AP4S1: variants seen among roughly 807,000 people sequenced by gnomAD.
AP4S1 encodes the protein AP-4 complex subunit sigma-1.
Under a neutral mutation model 19.8 loss-of-function variants are expected in AP4S1, and 23 were observed. The ratio of observed to expected loss-of-function variants is 1.16; its 90% CI spans 0.84 to 1.65. AP4S1 has a LOEUF of 1.65. AP4S1 is among the 40% of genes most tolerant of loss of function. The pLI is 0.00. For missense variants in AP4S1, 166 were observed against 172.8 expected (o/e 0.96, Z 0.22); for synonymous variants, 46 against 54.1 (o/e 0.85, Z 0.66).
At chr14:31,038,941 A>G (rs910682003) in intron 1 of AP4S1, among the ~76,000 whole-genome samples, 1 of 152,054 alleles carries the variant, frequency 6.6e-6, no homozygotes, top group East Asian at 1.9e-4. Flanking sequence ...ACCACCATCA[A>G]ACATTGGGAG....
intron 1 of AP4S1, among the ~76,000 whole-genome samples, chr14:31,050,386 G>GT (rs1885722436): frequency 6.6e-6 from 1 of 152,018 alleles, no homozygotes; most frequent in Non-Finnish European, 1.5e-5. Context: ...TACTTGGAGT[G>GT]TTCTTCAGTG....
intron 1 of AP4S1, among the ~76,000 whole-genome samples, chr14:31,044,241 T>A (rs1566516864): frequency 6.6e-6 from 1 of 152,212 alleles, no homozygotes; most frequent in South Asian, 2.1e-4. Context: ...ACCCTTCCTT[T>A]TCTACTTATT....
chr14:31,053,474 G>A (rs1450483266), intron 1 of AP4S1, among the ~76,000 whole-genome samples: 1 of 152,076 alleles, frequency 6.6e-6, no homozygotes, highest in African/African-American at 2.4e-5. Flanking sequence ...AGAAGGAATG[G>A]GGGCCAAGGC....
chr14:31,068,556 T>C (rs1269350177), intron 2 of AP4S1, among the ~76,000 whole-genome samples: 4 of 152,244 alleles, frequency 2.6e-5, no homozygotes, highest in Admixed American at 2.6e-4. Context: ...CCACATACTT[T>C]AAGTAAAAGT....
At chr14:31,026,212 A>C in intron 1 of AP4S1, 1 of 1,387,718 alleles carries the variant, frequency 7.2e-7, no homozygotes, top group South Asian at 1.6e-5. Flanking sequence ...GCCGGGGCGC[A>C]GGGCGAGACG....
intron 1 of AP4S1, among the ~76,000 whole-genome samples, chr14:31,030,685 C>T (rs146617532): frequency 1.2e-4 from 19 of 152,130 alleles, no homozygotes; most frequent in African/African-American, 4.3e-4. Context: ...TGATTGGCTA[C>T]GATTTTTCAG....
chr14:31,085,580 C>T, intron 5 of AP4S1: 1 of 933,082 alleles, frequency 1.1e-6, no homozygotes. Flanking sequence ...TTGAGACCAG[C>T]CTGGGCAACA....
intron 1 of AP4S1, among the ~76,000 whole-genome samples, chr14:31,035,893 G>A (rs1884732469): frequency 6.6e-6 from 1 of 151,808 alleles, no homozygotes; most frequent in Admixed American, 6.6e-5. Context: ...ACAAGGCCCG[G>A]CTAATTTTTT....
At chr14:31,038,584 A>G (rs1884910286) in intron 1 of AP4S1, among the ~76,000 whole-genome samples, 1 of 152,208 alleles carries the variant, frequency 6.6e-6, no homozygotes, top group African/African-American at 2.4e-5. Flanking sequence ...TCTTGAGGCA[A>G]ACCCAGAGGT....
chr14:31,043,582 C>T (rs1023667840), intron 1 of AP4S1, among the ~76,000 whole-genome samples: 1 of 152,122 alleles, frequency 6.6e-6, no homozygotes, highest in Non-Finnish European at 1.5e-5. Flanking sequence ...TTCACATTTT[C>T]CTTATCTCAT....
At chr14:31,055,658 T>TG (rs1566525009) in intron 1 of AP4S1, among the ~76,000 whole-genome samples, 1 of 152,146 alleles carries the variant, frequency 6.6e-6, no homozygotes, top group Non-Finnish European at 1.5e-5. Context: ...TTTTTAACTT[T>TG]GGGGATTTTA....
intron 3 of AP4S1, among the ~76,000 whole-genome samples, chr14:31,071,921 G>GA (rs1887030426): frequency 1.6e-5 from 1 of 62,590 alleles, no homozygotes; most frequent in Non-Finnish European, 3.4e-5. Context: ...TTATTTATTT[G>GA]ATTTTTTTTG....
At chr14:31,058,176 C>T (rs1025315701) in intron 1 of AP4S1, among the ~76,000 whole-genome samples, 3 of 152,046 alleles carry the variant, frequency 2.0e-5, no homozygotes, top group African/African-American at 7.2e-5. Context: ...GTGATCCGCC[C>T]ACCTTGGCCT....
At chr14:31,052,527 C>A (rs1056198695) in intron 1 of AP4S1, among the ~76,000 whole-genome samples, 1 of 151,884 alleles carries the variant, frequency 6.6e-6, no homozygotes, top group Non-Finnish European at 1.5e-5. Context: ...GAGTTCGAGA[C>A]CAGCCTGGCC....
chr14:31,036,544 T>C (rs1334663364), intron 1 of AP4S1, among the ~76,000 whole-genome samples: 1 of 152,246 alleles, frequency 6.6e-6, no homozygotes, highest in African/African-American at 2.4e-5. Flanking sequence ...CTAGCTATTA[T>C]TGTCAGCTTT....
chr14:31,052,728 CAA>C (rs967926664), intron 1 of AP4S1, among the ~76,000 whole-genome samples: 44 of 53,336 alleles, frequency 8.2e-4, no homozygotes, highest in Admixed American at 1.7e-3. Context: ...GACTCCCTCT[CAA>C]AAAAAAAAAA....
intron 5 of AP4S1, among the ~76,000 whole-genome samples, chr14:31,091,046 G>A (rs1309976632): frequency 1.3e-5 from 2 of 152,172 alleles, no homozygotes; most frequent in African/African-American, 2.4e-5. Context: ...GTAATGTGGG[G>A]ATGTCAGTGG....
At chr14:31,074,668 G>A (rs796980938) in intron 4 of AP4S1, among the ~76,000 whole-genome samples, 53 of 152,190 alleles carry the variant, frequency 3.5e-4, no homozygotes, top group African/African-American at 1.1e-3. Context: ...GCAAGACTCC[G>A]TCTCAAATAA....
chr14:31,075,729 A>T (rs1887318414), intron 4 of AP4S1, among the ~76,000 whole-genome samples: 1 of 139,728 alleles, frequency 7.2e-6, no homozygotes, highest in South Asian at 2.3e-4. Context: ...CATTGTATGG[A>T]TGGATATACC....
Sources: allele counts gnomAD v4.1 joint callset (sites outside exome capture counted in the v4.1 genomes callset), GRCh38; gene constraint gnomAD v4.1.1; transcripts MANE v1.5; gene names NCBI Gene and HGNC (gene_info 2026-07-23, HGNC 2026-07-21).